The following SMARCA1 variants were observed in gnomAD, a reference collection of about 807,000 sequenced individuals.
The protein encoded by SMARCA1 is SNF2 related chromatin remodeling ATPase 1.
In SMARCA1, 17 loss-of-function variants were observed where a neutral mutation model predicts 93.6. That is an observed-to-expected ratio of 0.18 (90% CI 0.12 to 0.27). The LOEUF (loss-of-function observed/expected upper bound fraction) is 0.27, where lower values mean the gene tolerates loss of function less well. Ranked by LOEUF, SMARCA1 falls within the 10% of genes least tolerant of loss-of-function variation. The probability of loss-of-function intolerance (pLI) is 1.00; values close to 1 mark genes in which losing one functional copy is unlikely to be tolerated. For missense variants in SMARCA1, 630 were observed against 819.0 expected, an observed-to-expected ratio of 0.77 and a Z score of 2.82; for synonymous variants, 271 against 271.4, an observed-to-expected ratio of 1.00 and a Z score of 0.01.
chrX:129,491,142 A>G (rs1323010560), intron 14 of SMARCA1, among the ~76,000 whole-genome samples: 1 of 111,921 alleles, frequency 8.9e-6, no homozygotes, highest in African/African-American at 3.2e-5. Flanking sequence ...AATCCCTTTC[A>G]ATTCTCTATT....
At position 129,489,134 on chromosome X, in the gene SMARCA1, A is replaced by G. The variant is rs377391686; in HGVS notation, c.1949-49T>C. 1.4e-3 allele frequency: 1,181 copies of G among 848,032 alleles called. 1 individual carries two copies. Among genetic ancestry groups the G allele is most frequent in the Non-Finnish European group, 1.5e-3 (847 of 581,691 alleles). The allele number at this position is 848,032 out of a possible 1,213,427, so 69.9% of individuals were successfully genotyped here. On this transcript the variant is annotated intron_variant, in intron 15 of 24. Transcript: ENST00000371121. ...ACATATTCAATCAATCATATTCCAA[A>G]GAAGGCATAATCATTCTAATCAGAC...
intron 23 of SMARCA1, among the ~76,000 whole-genome samples, chrX:129,458,381 G>A (rs1932731031): frequency 8.9e-6 from 1 of 112,271 alleles, no homozygotes; most frequent in African/African-American, 3.2e-5. Flanking sequence ...ACAAAATTGT[G>A]TTGCCTTGGT....
intron 23 of SMARCA1, among the ~76,000 whole-genome samples, chrX:129,450,439 A>C (rs1350337953): frequency 3.6e-5 from 4 of 112,272 alleles, no homozygotes; most frequent in Non-Finnish European, 7.5e-5. Context: ...GCATTCTGTT[A>C]TGGCAGCCCA....
At chrX:129,500,450 G>A (rs1235091023) in intron 9 of SMARCA1, among the ~76,000 whole-genome samples, 1 of 112,806 alleles carries the variant, frequency 8.9e-6, no homozygotes, top group African/African-American at 3.2e-5. Flanking sequence ...ACAGGCGTGA[G>A]CCACTGTGCC....
At position 129,511,938 on chromosome X, in the gene SMARCA1, T is replaced by G; in HGVS notation, c.676A>C (p.Lys226Gln). 8.3e-7 allele frequency: 1 copy of G among 1,207,857 alleles called. No individual in the cohort carries two copies. Among genetic ancestry groups the G allele is most frequent in the Non-Finnish European group, 1.1e-6 (1 of 893,466 alleles). ...LQTIALLGYL[K>Q]HYRNIPGPHM... is the part of the protein sequence containing the mutation. ...GGTCCAGGAATATTTCGGTAGTGTT[T>G]CAGGTAACCAAGCAAAGCAATTGTT... The change falls in exon 6 of 25, where the codon AAA becomes CAA. Residue 226 changes from lysine (K) to glutamine (Q), a missense_variant. Lys to Gln is a moderately conservative substitution (Grantham distance 53, BLOSUM62 1). This residue lies in a region of SMARCA1 where 382 missense variants were observed against 537.9 expected (regional missense o/e 0.71). Transcript: ENST00000371121.
intron 7 of SMARCA1, among the ~76,000 whole-genome samples, chrX:129,507,038 C>T (rs1320637651): frequency 2.7e-5 from 3 of 111,746 alleles, no homozygotes; most frequent in Non-Finnish European, 5.6e-5. Context: ...AACAAAAATG[C>T]ACATTTTTAT....
intron 14 of SMARCA1, among the ~76,000 whole-genome samples, chrX:129,490,694 G>C (rs777367189): frequency 2.7e-5 from 3 of 111,383 alleles, no homozygotes; most frequent in African/African-American, 9.8e-5. Context: ...AGTTGGTACA[G>C]GTGACAGGTG....
intron 9 of SMARCA1, among the ~76,000 whole-genome samples, chrX:129,500,267 A>T (rs1282542917): frequency 1.8e-5 from 2 of 112,283 alleles, no homozygotes; most frequent in African/African-American, 6.5e-5. Context: ...TCCTGGCTTC[A>T]AGCAATTCTC....
chrX:129,472,971 G>C (rs1052165266), intron 19 of SMARCA1, among the ~76,000 whole-genome samples: 3 of 111,627 alleles, frequency 2.7e-5, no homozygotes, highest in Non-Finnish European at 5.6e-5. Context: ...GGAATTATGA[G>C]CTGTACCTTA....
chrX:129,523,238 C>T lies in SMARCA1; in HGVS notation c.133G>A (p.Glu45Lys), dbSNP rs752043142. Reference protein sequence around the residue: ...QEEGAAAAATEATAATEKGEK... With the variant: ...QEEGAAAAATKATAATEKGEK... ...CCCTTCTCCGTGGCCGCGGTGGCTT[C>T]GGTGGCCGCGGCGGCCGCTCCCTCC... The change falls in exon 1 of 25, where the codon GAA (glutamate) becomes AAA (lysine). Residue 45 changes from glutamate to lysine, a missense_variant. Glu to Lys is a moderately conservative substitution (Grantham distance 56). Coordinates refer to ENST00000371121, the MANE Select transcript of SMARCA1 (RefSeq NM_001282874.2). 3.5e-5 allele frequency: 42 copies of T among 1,209,470 alleles called. No individual in the cohort carries two copies. The East Asian group carries it at 1.1e-3, about 32-fold the overall frequency.
Position 129,516,407 on chromosome X carries a change from T to G in SMARCA1, c.352A>C (p.Thr118Pro). The change falls in exon 3 of 25, where the codon ACA (threonine) becomes CCA (proline). Residue 118 changes from threonine to proline, a missense_variant. Physicochemically the swap from Thr to Pro is conservative, Grantham distance 38 (BLOSUM62 -1). Around this residue, in one of 4 missense-constraint regions of SMARCA1, gnomAD observed 382 missense variants for 537.9 expected, o/e 0.71. Transcript: ENST00000371121. Reference sequence around the variant, plus strand: ...CCCAATTTCATGTTCAGTGGAGATGTTGGAGATTTCTGTGCTGAAGGCTGA... The same window carrying G: ...CCCAATTTCATGTTCAGTGGAGATGGTGGAGATTTCTGTGCTGAAGGCTGA... ...FIQPSAQKSP[T>P]SPLNMKLGRP... 8.3e-7 allele frequency: 1 copy of G among 1,208,591 alleles called. No homozygotes were observed. The highest frequency in any genetic ancestry group is 1.1e-6 in the Non-Finnish European group (1 of 892,623).
intron 23 of SMARCA1, among the ~76,000 whole-genome samples, chrX:129,455,223 A>G (rs1932550124): frequency 8.9e-6 from 1 of 111,971 alleles, no homozygotes; most frequent in Non-Finnish European, 1.9e-5. Flanking sequence ...CATCAATGAT[A>G]GACTGGATAA....
chrX:129,513,519 C>A (rs997649120), intron 5 of SMARCA1, among the ~76,000 whole-genome samples: 3 of 93,306 alleles, frequency 3.2e-5, no homozygotes, highest in African/African-American at 4.6e-5. Flanking sequence ...AGCAAAACTC[C>A]ATCTCAAAAA....
intron 23 of SMARCA1, among the ~76,000 whole-genome samples, chrX:129,448,756 A>G (rs1388738422): frequency 1.8e-5 from 2 of 111,406 alleles, no homozygotes; most frequent in Non-Finnish European, 3.8e-5. Flanking sequence ...AAGTAAAAAA[A>G]AAAAGCTAAT....
rs1935284461 is a variant in SMARCA1 at position 129,518,610 on chromosome X, C to T, written c.175-163G>A. On this transcript the variant is annotated intron_variant, in intron 1 of 24. Coordinates refer to ENST00000371121, the MANE Select transcript of SMARCA1 (RefSeq NM_001282874.2). ...GATGAGAGCATGTCACAAAACAAGG[C>T]TTATGATTAATCCAGTTCTGTACAC... 1.8e-5 allele frequency: 6 copies of T among 335,858 alleles called. No individual in the cohort carries two copies. In the East Asian group the frequency reaches 2.8e-4, roughly 16 times the overall value. The allele number at this position is 335,858 out of a possible 1,213,427, so 27.7% of individuals were successfully genotyped here. A position where few individuals can be genotyped will look rare whatever the true frequency, so the allele number is the denominator to read the frequency against.
chrX:129,500,285 A>T (rs1038688734), intron 9 of SMARCA1, among the ~76,000 whole-genome samples: 1 of 112,071 alleles, frequency 8.9e-6, no homozygotes, highest in African/African-American at 3.2e-5. Context: ...CTCCTGCCTC[A>T]GCCTCCTGAG....
chrX:129,521,687 A>G (rs1935401380), intron 1 of SMARCA1, among the ~76,000 whole-genome samples: 1 of 112,475 alleles, frequency 8.9e-6, no homozygotes, highest in Non-Finnish European at 1.9e-5. Flanking sequence ...CAGTCCAGGG[A>G]ATAAAAGGCA....
At chrX:129,452,738 A>G (rs747340863) in intron 23 of SMARCA1, among the ~76,000 whole-genome samples, 28 of 112,140 alleles carry the variant, frequency 2.5e-4, no homozygotes, top group Non-Finnish European at 3.2e-4. Context: ...TGATGAATAC[A>G]GCTAAGTTAG....
At chrX:129,504,568 A>AAAAAC (rs1934721814) in intron 9 of SMARCA1, among the ~76,000 whole-genome samples, 166 bp downstream of exon 9, 2 of 98,024 alleles carry the variant, frequency 2.0e-5, no homozygotes, top group African/African-American at 8.5e-5. Context: ...AAAAAAAAAA[A>AAAAAC]AAAAAAAAAA....
Sources: gnomAD v4.1 joint callset for allele counts (sites outside exome capture counted in the v4.1 genomes callset) on GRCh38, gnomAD v4.1.1 for gene constraint, gnomAD v4.1.1 regional missense constraint, MANE v1.5 for transcripts, NCBI Gene and HGNC (gene_info 2026-07-23, HGNC 2026-07-21) for gene names.